ZNF783: variants seen among roughly 807,000 people sequenced by gnomAD.
The protein encoded by ZNF783 is protein ZNF783.
ZNF783 carries 25 observed loss-of-function variants against 31.3 expected under a neutral mutation model. The observed-to-expected ratio is 0.80, with a 90% CI of 0.58 to 1.11. ZNF783 has a LOEUF of 1.11. Ranked by LOEUF, ZNF783 falls within the 50% of genes most tolerant of loss-of-function variation. The pLI is 0.00. For missense variants in ZNF783, 797 were observed against 760.0 expected, an observed-to-expected ratio of 1.05 and a Z score of -0.57; for synonymous variants, 369 against 319.1, an observed-to-expected ratio of 1.16 and a Z score of -1.66.
rs562457434 is a variant in ZNF783, at chr7:149,272,824, C to T, written c.674-5575C>T. Among the ~76,000 whole-genome samples, 10 of 152,294 alleles carry T rather than the reference C, an allele frequency of 6.6e-5. No homozygotes were observed. The East Asian group carries it at 1.3e-3, about 21-fold the overall frequency. ...AGTCACCCTGTTATGCTATCACATG[C>T]TAGATCTTATTCATTCTATTTAACT... On this transcript the variant is annotated intron_variant, in intron 4 of 5. Transcript: ENST00000434415.
chr7:149,262,561 C>G (rs370268013), intron 1 of ZNF783, among the ~76,000 whole-genome samples: 6 of 152,212 alleles, frequency 3.9e-5, no homozygotes, highest in South Asian at 2.1e-4. Context: ...GGCGGGGCCC[C>G]GACGTCAGCG....
chr7:149,265,427 TCTCAGTCTG>T (rs1797041374), intron 1 of ZNF783, among the ~76,000 whole-genome samples: 1 of 152,236 alleles, frequency 6.6e-6, no homozygotes, highest in Admixed American at 6.5e-5. Context: ...ACTGTCATTG[TCTCAGTCTG>T]CTCAGGCTGC....
At chr7:149,272,286 A>AT (rs1797225935) in intron 4 of ZNF783, among the ~76,000 whole-genome samples, 1 of 152,180 alleles carries the variant, frequency 6.6e-6, no homozygotes, top group African/African-American at 2.4e-5. Context: ...AAGTGTTGAG[A>AT]TTACATATGA....
In ZNF783 at chr7:149,266,922, A is replaced by G. The variant is rs1267323617; in HGVS notation, c.524A>G (p.Asn175Ser). ...CTCTACAAGCACGTGATGAGGGGCA[A>G]CTACGAGACGCTGGTCTCCCTGGGT... Reference protein sequence around the residue: ...KELYKHVMRGNYETLVSLDYA... With the variant: ...KELYKHVMRGSYETLVSLDYA... Residue 175 changes from asparagine to serine, a missense_variant, in exon 3 of 6, where the codon AAC becomes AGC. Asn to Ser is a conservative substitution (Grantham distance 46). Coordinates refer to ENST00000434415, the MANE Select transcript of ZNF783 (RefSeq NM_001195220.2). The G allele has an allele frequency of 5.0e-6, 8 of 1,613,966 alleles. No individual in the cohort carries two copies. In the Admixed American group the frequency reaches 5.0e-5, roughly 10 times the overall value.
At chr7:149,264,527 T>C (rs745380196) in intron 1 of ZNF783, among the ~76,000 whole-genome samples, 7 of 152,084 alleles carry the variant, frequency 4.6e-5, no homozygotes, top group Non-Finnish European at 8.8e-5. Context: ...TGGGAAGCTA[T>C]TGAAGAGTTT....
At chr7:149,265,012 CTGGAAGT>C (rs1379749601) in intron 1 of ZNF783, among the ~76,000 whole-genome samples, 8 of 142,944 alleles carry the variant, frequency 5.6e-5, no homozygotes, top group African/African-American at 2.2e-4. Context: ...GGGGAGAAGG[CTGGAAGT>C]GGGGAAATCA....
intron 4 of ZNF783, among the ~76,000 whole-genome samples, chr7:149,275,120 G>C (rs897674712): frequency 6.6e-6 from 1 of 151,774 alleles, no homozygotes; most frequent in African/African-American, 2.4e-5. Flanking sequence ...TACTTCCTTT[G>C]TTAAGTTTTT....
In ZNF783 at chr7:149,267,208, G is replaced by C. The variant is rs1797099295; in HGVS notation, c.659G>C (p.Arg220Thr). 6 of 1,596,120 alleles carry C rather than the reference G, an allele frequency of 3.8e-6. No homozygotes were observed. Among genetic ancestry groups the C allele is most frequent in the African/African-American group, 1.3e-5 (1 of 74,866 alleles). Reference protein sequence around the residue: ...KGNEVEVGRPRMMGTGLPPYP... With the variant: ...KGNEVEVGRPTMMGTGLPPYP... ...AATGAAGTAGAGGTGGGACGTCCAA[G>C]GATGATGGGCACTGGTAAGTATAGG... The change falls in exon 4 of 6, where the codon AGG (arginine) becomes ACG (threonine). Residue 220 changes from arginine (R) to threonine (T), a missense_variant. By Grantham distance (71) the Arg-to-Thr change is moderately conservative (BLOSUM62 -1). Coordinates refer to ENST00000434415, the MANE Select transcript of ZNF783 (RefSeq NM_001195220.2).
chr7:149,270,405 T>A (rs929671280), intron 4 of ZNF783, among the ~76,000 whole-genome samples: 1 of 152,218 alleles, frequency 6.6e-6, no homozygotes, highest in Non-Finnish European at 1.5e-5. Flanking sequence ...GCTAGTCAGC[T>A]TTTTTAGTTA....
intron 5 of ZNF783, among the ~76,000 whole-genome samples, chr7:149,278,896 C>T (rs973872341): frequency 4.6e-5 from 7 of 152,132 alleles, no homozygotes; most frequent in Admixed American, 3.9e-4. Context: ...CCTAGCGCGG[C>T]GCCAGCATGG....
intron 1 of ZNF783, 78 bp downstream of exon 1, chr7:149,262,435 C>T: frequency 2.6e-6 from 3 of 1,141,442 alleles, no homozygotes; most frequent in Non-Finnish European, 3.3e-6. Context: ...ACTCTGGCCG[C>T]GCGAGGCCGC....
Position 149,266,446 on chromosome 7 carries a change from G to C in ZNF783, c.136G>C (p.Val46Leu). Residue 46 changes from valine to leucine, a missense_variant, in exon 2 of 6, where the codon GTG (valine) becomes CTG (leucine). Physicochemically the swap from Val to Leu is conservative, Grantham distance 32. Coordinates refer to ENST00000434415, the MANE Select transcript of ZNF783 (RefSeq NM_001195220.2). ...LYSTEITLWTVVAAIQALEKK... is the reference protein window; with the variant it reads ...LYSTEITLWTLVAAIQALEKK... ...CTCCACGGAAATCACACTGTGGACGGTGGTGGCCGCCATTCAGGCCTTGGA... is the reference window on the plus strand; with the variant it reads ...CTCCACGGAAATCACACTGTGGACGCTGGTGGCCGCCATTCAGGCCTTGGA... 1 of 1,606,686 alleles carries C rather than the reference G, an allele frequency of 6.2e-7. No individual in the cohort carries two copies. The highest frequency in any genetic ancestry group is 8.5e-7 in the Non-Finnish European group (1 of 1,179,946).
At chr7:149,278,904 T>G (rs1797394407) in intron 5 of ZNF783, among the ~76,000 whole-genome samples, 1 of 152,168 alleles carries the variant, frequency 6.6e-6, no homozygotes, top group Admixed American at 6.5e-5. Flanking sequence ...GGCGCCAGCA[T>G]GGTGTTTCTC....
At chr7:149,273,544 CTTT>C (rs199971838) in intron 4 of ZNF783, among the ~76,000 whole-genome samples, 1 of 143,776 alleles carries the variant, frequency 7.0e-6, no homozygotes. Flanking sequence ...GCCATTTGTA[CTTT>C]TTTTTTTTTT....
rs2129525248 is a variant in ZNF783 at position 149,282,085 on chromosome 7, T to C, written c.1383T>C (p.Asn461=). 1.3e-6 allele frequency: 2 copies of C among 1,596,336 alleles called. No individual in the cohort carries two copies. Among genetic ancestry groups the C allele is most frequent in the Non-Finnish European group, 1.7e-6 (2 of 1,178,748 alleles). Residue 461 remains asparagine, a synonymous_variant, in exon 6 of 6, where the codon AAT becomes AAC. Transcript: ENST00000434415. ...TGCACCAGCGCCTGCACACCGGCAA[T>C]GGCCAGGGCTGGCCCGCCTGCCCCT... The part of the protein sequence containing the change: ...LLLHQRLHTG[N]GQGWPACPYC...
chr7:149,279,472 C>T (rs111989709), intron 5 of ZNF783, among the ~76,000 whole-genome samples: 1 of 152,180 alleles, frequency 6.6e-6, no homozygotes, highest in Non-Finnish European at 1.5e-5. Flanking sequence ...GACAGAAGCC[C>T]TAGGCCTCCT....
At chr7:149,272,322 C>CT (rs1797226450) in intron 4 of ZNF783, among the ~76,000 whole-genome samples, 2 of 152,190 alleles carry the variant, frequency 1.3e-5, no homozygotes, top group Admixed American at 6.5e-5. Flanking sequence ...CCCAATGTAT[C>CT]TTTGAGATGT....
intron 4 of ZNF783, chr7:149,277,755 A>AT (rs1369743955): frequency 6.7e-6 from 1 of 148,282 alleles, no homozygotes; most frequent in South Asian, 2.1e-4. Flanking sequence ...AAAAAAAAAA[A>AT]TTCAAAAAAA....
chr7:149,263,304 G>GTGTATA (rs1459712064), intron 1 of ZNF783, among the ~76,000 whole-genome samples: 29 of 64,318 alleles, frequency 4.5e-4, no homozygotes, highest in Middle Eastern at 7.7e-3. Flanking sequence ...GTGTGTGTGT[G>GTGTATA]TATATATATA....
Sources: allele counts gnomAD v4.1 joint callset (sites outside exome capture counted in the v4.1 genomes callset), GRCh38; gene constraint gnomAD v4.1.1; transcripts MANE v1.5; gene names NCBI Gene and HGNC (gene_info 2026-07-23, HGNC 2026-07-21).